The following FHL2 variants were observed in gnomAD, a reference collection of about 807,000 sequenced individuals.
FHL2 encodes four and a half LIM domains protein 2.
In FHL2, 20 loss-of-function variants were observed where a neutral mutation model predicts 32.7. The observed-to-expected ratio is 0.61, with a 90% confidence interval of 0.43 to 0.89. The LOEUF (loss-of-function observed/expected upper bound fraction) is 0.89, where lower values mean the gene tolerates loss of function less well. Among genes scored for constraint, FHL2 ranks in the 40% least tolerant of loss-of-function variants. The pLI is 0.00. For synonymous variants in FHL2, 123 were observed against 128.1 expected (o/e 0.96, Z 0.27); for missense variants, 311 against 358.6 (o/e 0.87, Z 1.07).
At chr2:105,421,043 C>A (rs1558730914) in intron 1 of FHL2, among the ~76,000 whole-genome samples, 1 of 152,166 alleles carries the variant, frequency 6.6e-6, no homozygotes, top group Admixed American at 6.5e-5. Flanking sequence ...TGTACAGAGC[C>A]AGTGGTGGCC....
chr2:105,414,472 GC>G (rs569249329), intron 1 of FHL2, among the ~76,000 whole-genome samples: 18 of 151,782 alleles, frequency 1.2e-4, no homozygotes, highest in South Asian at 4.2e-4. Flanking sequence ...GCTAGGACCC[GC>G]CCCCCCTCCG....
At chr2:105,398,698 T>TC in intron 1 of FHL2, 144 bp downstream of exon 1, 1 of 554,944 alleles carries the variant, frequency 1.8e-6, no homozygotes, top group Non-Finnish European at 2.9e-6. Context: ...CCCCGTGGTC[T>TC]CCCCACCCCC....
At chr2:105,377,387 T>C (rs1287534945) in intron 3 of FHL2, among the ~76,000 whole-genome samples, 1 of 152,174 alleles carries the variant, frequency 6.6e-6, no homozygotes, top group Non-Finnish European at 1.5e-5. Flanking sequence ...TCCCAGCACT[T>C]TGGGAGGCCG....
chr2:105,419,231 T>C (rs1432434048), intron 1 of FHL2, among the ~76,000 whole-genome samples: 1 of 152,174 alleles, frequency 6.6e-6, no homozygotes, highest in Non-Finnish European at 1.5e-5. Context: ...TTTCATAGGT[T>C]TTTCGGAACT....
intron 1 of FHL2, among the ~76,000 whole-genome samples, chr2:105,407,309 A>G (rs551458958): frequency 4.8e-4 from 72 of 151,180 alleles, no homozygotes; most frequent in Admixed American, 2.7e-3. Flanking sequence ...GGAGAATGGC[A>G]TGAACCCAGG....
rs557990044 is a variant in FHL2, at chr2:105,438,310, C to T, written c.-25+89G>A. 6.3e-6 allele frequency: 6 copies of T among 959,824 alleles called. No homozygotes were observed. In the African/African-American group the frequency reaches 1.1e-4, roughly 17 times the overall value. The allele number at this position is 959,824 out of a possible 1,614,324, so 59.5% of individuals were successfully genotyped here. A position where few individuals can be genotyped will look rare whatever the true frequency, so the allele number is the denominator to read the frequency against. On this transcript the variant is annotated intron_variant, in intron 1 of 5. Coordinates refer to the FHL2 transcript ENST00000393352. The stretch of plus-strand genomic sequence containing the variant: ...CAGGGCTGGACACTCCCTCTGCATG[C>T]AACAAGATGCCTACAGAGCTGCTGC...
intron 1 of FHL2, among the ~76,000 whole-genome samples, chr2:105,414,782 G>T (rs906474974): frequency 2.0e-5 from 3 of 152,122 alleles, no homozygotes; most frequent in Non-Finnish European, 2.9e-5. Context: ...CCAATTTCTG[G>T]CTTCAAGTGA....
intron 1 of FHL2, among the ~76,000 whole-genome samples, chr2:105,427,913 G>A (rs1237389345): frequency 1.3e-5 from 2 of 152,112 alleles, no homozygotes; most frequent in Non-Finnish European, 2.9e-5. Context: ...AAATTCAATA[G>A]TCACTCTAAG....
chr2:105,429,203 T>C (rs1234945167), intron 1 of FHL2, among the ~76,000 whole-genome samples: 1 of 152,148 alleles, frequency 6.6e-6, no homozygotes, highest in Non-Finnish European at 1.5e-5. Context: ...CCCCACAATA[T>C]GATGGTCAAG....
intron 1 of FHL2, among the ~76,000 whole-genome samples, chr2:105,420,131 A>G (rs533311015): frequency 6.6e-6 from 1 of 152,220 alleles, no homozygotes; most frequent in Non-Finnish European, 1.5e-5. Flanking sequence ...ACAGAAATTT[A>G]TTGTCTCCAA....
upstream of FHL2, among the ~76,000 whole-genome samples, chr2:105,401,282 C>T (rs1367436018): frequency 6.6e-6 from 1 of 151,876 alleles, no homozygotes; most frequent in African/African-American, 2.4e-5. Flanking sequence ...CAAAATATTT[C>T]CTAGTGAAAT....
rs796763513 is a variant in FHL2, at chr2:105,386,366, A to C, written c.151T>G (p.Cys51Gly). Reference protein sequence around the residue: ...EECGKPIGCDCKDLSYKDRHW... With the variant: ...EECGKPIGCDGKDLSYKDRHW... ...CAGAGGCCCGCAGCAGGTACCTTGC[A>C]GTCACAGCCGATGGGCTTCCCACAC... Residue 51 changes from cysteine (C) to glycine (G), a missense_variant, in exon 3 of 7, where the codon TGC becomes GGC. Cys to Gly is a radical substitution (Grantham distance 159). Transcript: ENST00000530340. The C allele has an allele frequency of 1.9e-6, 3 of 1,613,854 alleles. No homozygotes were observed. Among genetic ancestry groups the C allele is most frequent in the Non-Finnish European group, 1.7e-6 (2 of 1,179,934 alleles).
chr2:105,406,195 T>C (rs959697954), intron 1 of FHL2, among the ~76,000 whole-genome samples: 2 of 152,212 alleles, frequency 1.3e-5, no homozygotes, highest in East Asian at 3.8e-4. Flanking sequence ...AAACAGATTT[T>C]CTAAAATATC....
At chr2:105,399,632 A>T, upstream of FHL2, 6 of 1,509,598 alleles carry the variant, frequency 4.0e-6, no homozygotes, top group South Asian at 6.3e-5. Flanking sequence ...CTAGTTAGAC[A>T]TCTTGGATTC....
rs141653043 is a variant in FHL2, at chr2:105,393,525, G to A, written c.-25+3122C>T. On this transcript the variant is annotated intron_variant, in intron 2 of 6. Coordinates refer to ENST00000530340, the MANE Select transcript of FHL2 (RefSeq NM_001318895.3). ...AAAAGTGCAGTGTTTTCATGCAATT[G>A]CCCCGTCTTCTACCAACCGTAAGCA... Among the ~76,000 whole-genome samples, 275 of 152,236 alleles carry A rather than the reference G, an allele frequency of 1.8e-3. 1 individual carries two copies. The highest frequency in any genetic ancestry group is 6.2e-3 in the African/African-American group (256 of 41,542).
rs568936733 is a variant in FHL2 at position 105,421,138 on chromosome 2, T to C, written c.-25+17261A>G. ...TCCATGTGGTCCAGTGCTCCCTTGA[T>C]AAAGAAGGTAATCCAATGGGAAGAA... On this transcript the variant is annotated intron_variant, in intron 1 of 5. Coordinates refer to the FHL2 transcript ENST00000393352. Among the ~76,000 whole-genome samples, 21 of 152,284 alleles carry C rather than the reference T, an allele frequency of 1.4e-4. No individual in the cohort carries two copies. The South Asian group carries it at 4.3e-3, about 32-fold the overall frequency.
At chr2:105,394,617 G>C (rs1460287335) in intron 2 of FHL2, among the ~76,000 whole-genome samples, 1 of 150,892 alleles carries the variant, frequency 6.6e-6, no homozygotes, top group Admixed American at 6.6e-5. Flanking sequence ...AAGAAAGAAA[G>C]AGAAAAAAGA....
chr2:105,403,144 G>A (rs1683525257), upstream of FHL2, among the ~76,000 whole-genome samples: 2 of 152,216 alleles, frequency 1.3e-5, no homozygotes, highest in African/African-American at 4.8e-5. Flanking sequence ...TACTTGGCAT[G>A]AAGTAGGCCC....
In FHL2 at chr2:105,361,467, G is replaced by A. The variant is rs754242864; in HGVS notation, c.689-33C>T. ...CAGAGAGAAAATAATACCGGATGAA[G>A]AAAGTTAGAATCAGGCAACTGGGAC... is the stretch of plus-strand genomic sequence containing the variant. On this transcript the variant is annotated intron_variant, in intron 6 of 6. Coordinates refer to ENST00000530340, the MANE Select transcript of FHL2 (RefSeq NM_001318895.3). The A allele has an allele frequency of 3.8e-6, 6 of 1,595,878 alleles. No homozygotes were observed. In the East Asian group the frequency reaches 1.3e-4, roughly 36 times the overall value.
Sources: gnomAD v4.1 joint callset for allele counts (sites outside exome capture counted in the v4.1 genomes callset) on GRCh38, gnomAD v4.1.1 for gene constraint, MANE v1.5 for transcripts, NCBI Gene and HGNC (gene_info 2026-07-23, HGNC 2026-07-21) for gene names.